Variants in PLG observed in about 807,000 individuals in gnomAD.
PLG encodes the protein plasminogen, also known as plasmin.
A neutral mutation model predicts 104.4 loss-of-function variants in PLG; 41 were observed. The ratio of observed to expected loss-of-function variants is 0.39; its 90% CI spans 0.31 to 0.51. The LOEUF is 0.51. Among genes scored for constraint, PLG ranks in the 20% least tolerant of loss-of-function variants. The probability of loss-of-function intolerance (pLI) is 0.76; values close to 1 mark genes in which losing one functional copy is unlikely to be tolerated. For synonymous variants in PLG, 337 were observed against 357.1 expected, an observed-to-expected ratio of 0.94 and a Z score of 0.63; for missense variants, 891 against 1,003.6, an observed-to-expected ratio of 0.89 and a Z score of 1.52.
In PLG at chr6:160,723,612, T is replaced by C. The variant is rs1777880085; in HGVS notation, c.1256+1045T>C. Among the ~76,000 whole-genome samples the C allele has an allele frequency of 6.6e-6, 1 of 152,164 alleles. No individual in the cohort carries two copies. Among genetic ancestry groups the C allele is most frequent in the African/African-American group, 2.4e-5 (1 of 41,444 alleles). On this transcript the variant is annotated intron_variant, in intron 10 of 18. Coordinates refer to ENST00000308192, the MANE Select transcript of PLG (RefSeq NM_000301.5). This position sits in a 1 kb window ranked among gnomAD's most constrained non-coding sequence, Gnocchi z 4.7. Reference sequence around the variant, plus strand: ...CTAGGTAATAACATGAAAGGAAACATTGTGGAGGAAAGCAGCTCCAGGAAT... The same window carrying C: ...CTAGGTAATAACATGAAAGGAAACACTGTGGAGGAAAGCAGCTCCAGGAAT...
intron 10 of PLG, among the ~76,000 whole-genome samples, chr6:160,730,424 C>T (rs4252122): frequency 0.033 from 5,091 of 152,258 alleles, 279 homozygotes; most frequent in African/African-American, 0.11. Context: ...GGCTTTGATA[C>T]GTCTTGCAGA....
At chr6:160,716,004 C>CA (rs1338639226) in intron 6 of PLG, among the ~76,000 whole-genome samples, 5 of 152,254 alleles carry the variant, frequency 3.3e-5, no homozygotes, top group African/African-American at 1.2e-4. Flanking sequence ...CCCCATACTG[C>CA]ATGGTGAGAC....
At chr6:160,713,171 G>A (rs1427376045) in intron 5 of PLG, 46 bp downstream of exon 5, 2 of 1,493,714 alleles carry the variant, frequency 1.3e-6, no homozygotes, top group South Asian at 1.1e-5. Flanking sequence ...CCCTTCACCT[G>A]TAAAATAATT....
At position 160,718,144 on chromosome 6, in the gene PLG, C is replaced by T. The variant is rs1214687225; in HGVS notation, c.788-150C>T. The T allele has an allele frequency of 1.6e-5, 11 of 689,356 alleles. No individual in the cohort carries two copies. The East Asian group carries it at 1.7e-4, about 11-fold the overall frequency. 42.7% of individuals were successfully genotyped at this position (689,356 alleles called of 1,614,324 possible). On this transcript the variant is annotated intron_variant, in intron 7 of 18. Transcript: ENST00000308192. ...ACACGCACCTGTAGTCTGAGCTACT[C>T]GGGAGGCTGAGGCAGGAGAATGACT...
chr6:160,722,667 T>G, intron 10 of PLG, 100 bp downstream of exon 10: 3 of 1,045,380 alleles, frequency 2.9e-6, no homozygotes, highest in Non-Finnish European at 3.0e-6. Context: ...TAGGACCAAA[T>G]TTCTCTTAGA....
At position 160,740,433 on chromosome 6, in the gene PLG, C is replaced by T. The variant is rs1405361110; in HGVS notation, c.2019-878C>T. On this transcript the variant is annotated intron_variant, in intron 16 of 18. Transcript: ENST00000308192. The surrounding 1 kb of genome is among the most constrained non-coding windows in gnomAD (Gnocchi z 5.2). ...GGTTTTGGAGGAGTTCTCTGATAGG[C>T]TGATACATTTCGAGTTTAGAGTTCC... Among the ~76,000 whole-genome samples, 1 of 152,136 alleles carries T rather than the reference C, an allele frequency of 6.6e-6. No individual in the cohort carries two copies. Among genetic ancestry groups the T allele is most frequent in the Non-Finnish European group, 1.5e-5 (1 of 68,022 alleles).
intron 1 of PLG, among the ~76,000 whole-genome samples, chr6:160,703,987 T>A (rs565780378): frequency 2.6e-4 from 40 of 152,202 alleles, no homozygotes; most frequent in Non-Finnish European, 4.6e-4. Context: ...AGAAACATCT[T>A]CCATTTCACA....
At chr6:160,751,728 A>T (rs1466067940) in intron 17 of PLG, among the ~76,000 whole-genome samples, 3 of 152,228 alleles carry the variant, frequency 2.0e-5, no homozygotes, top group Non-Finnish European at 4.4e-5. Flanking sequence ...GAAAAAATCA[A>T]GATGTGAAAT....
In PLG at chr6:160,734,242, C is replaced by T. The variant is rs577791406; in HGVS notation, c.1681+154C>T. Among the ~76,000 whole-genome samples the T allele has an allele frequency of 6.6e-6, 1 of 152,130 alleles. No individual in the cohort carries two copies. The highest frequency in any genetic ancestry group is 1.5e-5 in the Non-Finnish European group (1 of 68,032). On this transcript the variant is annotated intron_variant, in intron 13 of 18. Transcript: ENST00000308192. This position sits in a 1 kb window ranked among gnomAD's most constrained non-coding sequence, Gnocchi z 4.4. ...TCATCATGGGCATCTTGAATCTGCC[C>T]TACTATTGGCCACATTTGTTAGAGG... is the stretch of plus-strand genomic sequence containing the variant.
In PLG at chr6:160,723,768, A is replaced by G. The variant is rs9458016; in HGVS notation, c.1256+1201A>G. 0.21 allele frequency among the ~76,000 whole-genome samples: 32,032 copies of G among 152,166 alleles called. 3,984 individuals are homozygous for G. Among genetic ancestry groups the G allele is most frequent in the Non-Finnish European group, 0.29 (19,735 of 67,986 alleles). ...AAACTGCAGGGGAACAGTGAGCTCA[A>G]TGGAGATGCCAGAGCTCACATAGCA... On this transcript the variant is annotated intron_variant, in intron 10 of 18. Transcript: ENST00000308192. The surrounding 1 kb of genome is among the most constrained non-coding windows in gnomAD (Gnocchi z 4.7).
At position 160,719,638 on chromosome 6, in the gene PLG, C is replaced by T. The variant is rs985811035; in HGVS notation, c.1096+800C>T. On this transcript the variant is annotated intron_variant, in intron 9 of 18. Transcript: ENST00000308192. This position sits in a 1 kb window ranked among gnomAD's most constrained non-coding sequence, Gnocchi z 4.1. The stretch of plus-strand genomic sequence containing the variant: ...TTCATTTAGATTGAGTTTATCTCCA[C>T]TACTCACTTAGTAAATTAATTTTTA... Among the ~76,000 whole-genome samples the T allele has an allele frequency of 2.6e-5, 4 of 152,114 alleles. No individual in the cohort carries two copies. The highest frequency in any genetic ancestry group is 5.9e-5 in the Non-Finnish European group (4 of 68,012).
At chr6:160,705,023 C>T (rs942967844) in intron 1 of PLG, among the ~76,000 whole-genome samples, 17 of 152,210 alleles carry the variant, frequency 1.1e-4, no homozygotes, top group Non-Finnish European at 2.2e-4. Context: ...AGGCTTGTCT[C>T]CTGCTGCAGC....
chr6:160,714,690 C>A, intron 5 of PLG, 104 bp from the exon 6 acceptor site: 1 of 1,076,686 alleles, frequency 9.3e-7, no homozygotes, highest in African/African-American at 1.5e-5. Context: ...GAATGAGAGG[C>A]AAGTCGCACT....
In PLG at chr6:160,725,051, C is replaced by T. The variant is rs939790546; in HGVS notation, c.1256+2484C>T. On this transcript the variant is annotated intron_variant, in intron 10 of 18. Transcript: ENST00000308192. The surrounding 1 kb of genome is among the most constrained non-coding windows in gnomAD (Gnocchi z 6.3). ...CCAACATGGTGAAACCCCATCTCTA[C>T]TAAAAATACAAAAATTAGCTGGGCA... is the stretch of plus-strand genomic sequence containing the variant. Among the ~76,000 whole-genome samples the T allele has an allele frequency of 2.6e-5, 4 of 151,988 alleles. No individual in the cohort carries two copies. Among genetic ancestry groups the T allele is most frequent in the African/African-American group, 4.8e-5 (2 of 41,350 alleles).
intron 7 of PLG, among the ~76,000 whole-genome samples, chr6:160,717,050 T>C (rs1777745581): frequency 6.6e-6 from 1 of 152,230 alleles, no homozygotes; most frequent in Admixed American, 6.5e-5. Context: ...CATCCTATTC[T>C]CTCTGTGCTA....
chr6:160,716,427 C>A (rs1258870410), intron 6 of PLG, among the ~76,000 whole-genome samples: 1 of 152,092 alleles, frequency 6.6e-6, no homozygotes, highest in Non-Finnish European at 1.5e-5. Flanking sequence ...ATAAGTGGGA[C>A]CCTGTCTCTA....
intron 10 of PLG, among the ~76,000 whole-genome samples, chr6:160,727,429 A>G (rs924734717): frequency 1.3e-5 from 2 of 151,564 alleles, no homozygotes; most frequent in African/African-American, 4.8e-5. Context: ...GAGAAGGGAA[A>G]TATTTCTTGA....
chr6:160,750,959 A>C (rs944996765), intron 17 of PLG, among the ~76,000 whole-genome samples: 3 of 151,916 alleles, frequency 2.0e-5, no homozygotes, highest in Non-Finnish European at 4.4e-5. Context: ...TTTTTCACAA[A>C]GGCAGAAATA....
chr6:160,742,794 T>C (rs896806340), intron 17 of PLG, among the ~76,000 whole-genome samples: 3 of 152,208 alleles, frequency 2.0e-5, no homozygotes, highest in Non-Finnish European at 4.4e-5. Flanking sequence ...TACATTTAAG[T>C]CTTTAATCCA....
Sources: allele counts gnomAD v4.1 joint callset (sites outside exome capture counted in the v4.1 genomes callset), GRCh38; gene constraint gnomAD v4.1.1; non-coding constraint Gnocchi (gnomAD v3.1); transcripts MANE v1.5; gene names NCBI Gene and HGNC (gene_info 2026-07-23, HGNC 2026-07-21).